Variants in CASK observed in about 807,000 individuals in gnomAD.
CASK encodes the protein peripheral plasma membrane protein CASK.
Under a neutral mutation model 82.9 loss-of-function variants are expected in CASK, and 4 were observed. The ratio of observed to expected loss-of-function variants is 0.05; its 90% CI spans 0.02 to 0.11. The LOEUF (loss-of-function observed/expected upper bound fraction) is 0.11, where lower values mean the gene tolerates loss of function less well. Among genes scored for constraint, CASK ranks in the 10% least tolerant of loss-of-function variants. CASK has a pLI of 1.00. For missense variants in CASK, 358 were observed against 720.9 expected, an observed-to-expected ratio of 0.50 and a Z score of 5.76; for synonymous variants, 259 against 253.5, an observed-to-expected ratio of 1.02 and a Z score of -0.20.
At chrX:41,818,576 C>A (rs909350494) in intron 2 of CASK, among the ~76,000 whole-genome samples, 1 of 110,605 alleles carries the variant, frequency 9.0e-6, no homozygotes, top group African/African-American at 3.3e-5. Context: ...GCACTCCAGC[C>A]TGGGCAACAG....
Position 41,537,247 on chromosome X carries a change from G to A in CASK, c.2156-2274C>T, listed in dbSNP as rs745461410. Among the ~76,000 whole-genome samples, 24 of 112,080 alleles carry A rather than the reference G, an allele frequency of 2.1e-4. No homozygotes were observed. In the East Asian group the frequency reaches 6.4e-3, roughly 30 times the overall value. Reference sequence around the variant, plus strand: ...CTTAACCATAAATGAGCAGCATGAAGAGGTTACTCTGGTCTAAATGAAATT... The same window carrying A: ...CTTAACCATAAATGAGCAGCATGAAAAGGTTACTCTGGTCTAAATGAAATT... On this transcript the variant is annotated intron_variant, in intron 22 of 26. Coordinates refer to ENST00000378163, the MANE Select transcript of CASK (RefSeq NM_001367721.1).
intron 11 of CASK, among the ~76,000 whole-genome samples, chrX:41,616,790 G>A (rs931504453): frequency 2.7e-5 from 3 of 111,060 alleles, no homozygotes; most frequent in African/African-American, 9.8e-5. Flanking sequence ...TGTGTTTTTA[G>A]TAGAGACGGG....
chrX:41,882,179 C>G (rs1364848459), intron 1 of CASK, among the ~76,000 whole-genome samples: 1 of 111,490 alleles, frequency 9.0e-6, no homozygotes, highest in African/African-American at 3.3e-5. Flanking sequence ...TAACTCTTCC[C>G]TTCATATCTC....
chrX:41,569,449 T>C (rs1336590828), intron 16 of CASK, among the ~76,000 whole-genome samples: 2 of 111,510 alleles, frequency 1.8e-5, no homozygotes, highest in African/African-American at 6.5e-5. Flanking sequence ...AAAAGATTCT[T>C]TATATGTATC....
At position 41,553,755 on chromosome X, in the gene CASK, G is replaced by A; in HGVS notation, c.2003C>T (p.Thr668Ile). Residue 668 changes from threonine to isoleucine, a missense_variant, in exon 21 of 27, where the codon ACT (threonine) becomes ATT (isoleucine). Physicochemically the swap from Thr to Ile is moderately conservative, Grantham distance 89. Transcript: ENST00000378163. The part of the protein sequence containing the change: ...QGKLENSKNG[T>I]AGLIPSPELQ... ...TTCAGGAGAAGGAATGAGACCTGCAGTTCCATTTTTGGAGTTTTCCAGTTT... is the reference window on the plus strand; with the variant it reads ...TTCAGGAGAAGGAATGAGACCTGCAATTCCATTTTTGGAGTTTTCCAGTTT... 2.5e-6 allele frequency: 3 copies of A among 1,207,334 alleles called. No homozygotes were observed. The highest frequency in any genetic ancestry group is 2.2e-6 in the Non-Finnish European group (2 of 891,848).
At chrX:41,708,658 C>A (rs2147622439) in intron 5 of CASK, among the ~76,000 whole-genome samples, 1 of 112,025 alleles carries the variant, frequency 8.9e-6, no homozygotes, top group South Asian at 3.7e-4. Flanking sequence ...ATTAGAGCTT[C>A]AAAAAATCCC....
chrX:41,557,057 T>C lies in CASK; in HGVS notation c.1781A>G (p.His594Arg). The change falls in exon 19 of 27, where the codon CAT becomes CGT. Residue 594 changes from histidine to arginine, a missense_variant. By Grantham distance (29) the His-to-Arg change is conservative. Transcript: ENST00000378163. ...CGAAACAGAATTGTTAGTGCTGCTA[T>C]GACCATTAGCTGGGGACTGTCTGGA... ...STSRQSPANG[H>R]SSTNNSVSDL... 4 of 1,209,577 alleles carry C rather than the reference T, an allele frequency of 3.3e-6. No homozygotes were observed. Among genetic ancestry groups the C allele is most frequent in the Non-Finnish European group, 4.5e-6 (4 of 893,433 alleles).
At chrX:41,735,787 C>T (rs1490054829) in intron 5 of CASK, among the ~76,000 whole-genome samples, 3 of 111,085 alleles carry the variant, frequency 2.7e-5, no homozygotes, top group East Asian at 5.6e-4. Context: ...CAGATTAGCC[C>T]GCTTCCTCTC....
chrX:41,612,545 C>T lies in CASK; in HGVS notation c.1034-2520G>A, dbSNP rs752078348. ...GAAGGAGGTGGGGGTCAGCCCCCCG[C>T]CCGGCCAGCCGCCCCGTCCGGGAGG... On this transcript the variant is annotated intron_variant, in intron 11 of 26. Transcript: ENST00000378163. Among the ~76,000 whole-genome samples the T allele has an allele frequency of 3.8e-5, 4 of 104,952 alleles. No individual in the cohort carries two copies. The South Asian group carries it at 1.7e-3, about 45-fold the overall frequency. The allele number at this position is 104,952 out of a possible 115,157, so 91.1% of individuals were successfully genotyped here. A position where few individuals can be genotyped will look rare whatever the true frequency, so the allele number is the denominator to read the frequency against.
In CASK at chrX:41,719,695, T is replaced by C. The variant is rs745606171; in HGVS notation, c.429+19689A>G. On this transcript the variant is annotated intron_variant, in intron 5 of 26. Transcript: ENST00000378163. ...ACCCTACTGCTGTGTCCGGTTTCCA[T>C]TGGCTGGAACGGGACCTCGCATTCT... Among the ~76,000 whole-genome samples, 13 of 112,045 alleles carry C rather than the reference T, an allele frequency of 1.2e-4. No individual in the cohort carries two copies. The South Asian group carries it at 2.2e-3, about 19-fold the overall frequency.
intron 5 of CASK, among the ~76,000 whole-genome samples, chrX:41,720,442 A>C (rs1331099493): frequency 8.9e-6 from 1 of 112,792 alleles, no homozygotes; most frequent in East Asian, 2.8e-4. Flanking sequence ...GTGTATGTTG[A>C]ACTGGACAAG....
chrX:41,562,827 G>A (rs1041516639), intron 16 of CASK: 1 of 108,311 alleles, frequency 9.2e-6, no homozygotes, highest in Non-Finnish European at 1.9e-5. Flanking sequence ...TTGGGAGGCT[G>A]AGGTGGGCAG....
chrX:41,693,108 T>C (rs2067606932), intron 5 of CASK, among the ~76,000 whole-genome samples: 1 of 109,982 alleles, frequency 9.1e-6, no homozygotes, highest in South Asian at 3.9e-4. Context: ...CACAGGTGAG[T>C]TTTTCACGTC....
intron 3 of CASK, among the ~76,000 whole-genome samples, chrX:41,768,706 G>A (rs2069158695): frequency 8.9e-6 from 1 of 111,827 alleles, no homozygotes; most frequent in South Asian, 3.7e-4. Flanking sequence ...GGTGGCTCAT[G>A]CCTGTAATCC....
chrX:41,882,597 G>A (rs753825529), intron 1 of CASK, among the ~76,000 whole-genome samples: 3 of 111,777 alleles, frequency 2.7e-5, no homozygotes, highest in Non-Finnish European at 5.7e-5. Context: ...GATACCATCC[G>A]AAGGGTAAAT....
intron 2 of CASK, among the ~76,000 whole-genome samples, chrX:41,820,879 T>C (rs780008642): frequency 3.6e-5 from 4 of 111,294 alleles, no homozygotes; most frequent in South Asian, 7.5e-4. Context: ...TTTCAACAAA[T>C]AGTGCTGGAG....
chrX:41,544,796 A>G (rs5963259), intron 21 of CASK, among the ~76,000 whole-genome samples: 16,626 of 109,384 alleles, frequency 0.15, 1,001 homozygotes, highest in Middle Eastern at 0.18. Flanking sequence ...AGCTACTAGG[A>G]AGGCTGAAGC....
chrX:41,589,601 C>T lies in CASK; in HGVS notation c.1156-9G>A, dbSNP rs756007664. Reference sequence around the variant, plus strand: ...TTAATTTTGTCATACAGCTAAAAAGCAAAGAAGAAAATCCAGTAAACACTC... The same window carrying T: ...TTAATTTTGTCATACAGCTAAAAAGTAAAGAAGAAAATCCAGTAAACACTC... On this transcript the variant is annotated splice_polypyrimidine_tract_variant and intron_variant, in intron 12 of 26. Transcript: ENST00000378163. The T allele has an allele frequency of 4.5e-5, 52 of 1,152,109 alleles. No homozygotes were observed. Among genetic ancestry groups the T allele is most frequent in the Non-Finnish European group, 6.2e-5 (52 of 843,143 alleles). The allele number at this position is 1,152,109 out of a possible 1,213,427, so 94.9% of individuals were successfully genotyped here. A position where few individuals can be genotyped will look rare whatever the true frequency, so the allele number is the denominator to read the frequency against.
intron 1 of CASK, among the ~76,000 whole-genome samples, chrX:41,887,296 C>CCACACACACACA (rs3055225): frequency 1.0e-3 from 86 of 83,508 alleles, no homozygotes; most frequent in Non-Finnish European, 1.3e-3. Flanking sequence ...CTAGTTGAGT[C>CCACACACACACA]CACACACACA....
Sources: allele counts gnomAD v4.1 joint callset (sites outside exome capture counted in the v4.1 genomes callset), GRCh38; gene constraint gnomAD v4.1.1; transcripts MANE v1.5; gene names NCBI Gene and HGNC (gene_info 2026-07-23, HGNC 2026-07-21).